ME1: variants seen among roughly 807,000 people sequenced by gnomAD.
The protein encoded by ME1 is NADP-dependent malic enzyme.
ME1 carries 74 observed loss-of-function variants against 66.4 expected under a neutral mutation model. The ratio of observed to expected loss-of-function variants is 1.11; its 90% CI spans 0.92 to 1.35. ME1 has a LOEUF of 1.35. ME1 is among the 40% of genes most tolerant of loss of function. The pLI is 0.00. For synonymous variants in ME1, 251 were observed against 235.6 expected, an observed-to-expected ratio of 1.07 and a Z score of -0.60; for missense variants, 750 against 694.1, an observed-to-expected ratio of 1.08 and a Z score of -0.90.
At position 83,302,800 on chromosome 6, in the gene ME1, G is replaced by A. The variant is rs998325545; in HGVS notation, c.704+12510C>T. Among the ~76,000 whole-genome samples, 5 of 152,154 alleles carry A rather than the reference G, an allele frequency of 3.3e-5. 1 individual carries two copies. Among genetic ancestry groups the A allele is most frequent in the African/African-American group, 4.8e-5 (2 of 41,432 alleles). Reference sequence around the variant, plus strand: ...TAAAACTATTTATTTATACAATGGTGTAAAGGATACACGGAGGGGTGGAGG... The same window carrying A: ...TAAAACTATTTATTTATACAATGGTATAAAGGATACACGGAGGGGTGGAGG... On this transcript the variant is annotated intron_variant, in intron 6 of 13. Transcript: ENST00000369705.
intron 1 of ME1, among the ~76,000 whole-genome samples, chr6:83,417,712 G>GC (rs1336074006): frequency 2.0e-5 from 3 of 151,994 alleles, no homozygotes; most frequent in African/African-American, 7.2e-5. Flanking sequence ...AGGCACACAG[G>GC]CCAGTCATGC....
chr6:83,231,335 T>C (rs973425153), intron 9 of ME1, among the ~76,000 whole-genome samples: 10 of 152,036 alleles, frequency 6.6e-5, no homozygotes, highest in African/African-American at 2.4e-4. Flanking sequence ...AAATTACCCA[T>C]GGCAACACTT....
intron 13 of ME1, among the ~76,000 whole-genome samples, chr6:83,213,098 TCTC>T (rs1303119757): frequency 6.6e-6 from 1 of 150,376 alleles, no homozygotes; most frequent in Non-Finnish European, 1.5e-5. Flanking sequence ...AGTGGCACGA[TCTC>T]AGCTCACTGC....
intron 6 of ME1, among the ~76,000 whole-genome samples, chr6:83,292,349 G>A (rs1471724566): frequency 6.6e-6 from 1 of 152,188 alleles, no homozygotes; most frequent in Non-Finnish European, 1.5e-5. Flanking sequence ...CTTTCTGTTT[G>A]TTAGTTTTCC....
chr6:83,278,611 A>C (rs1583353578), intron 6 of ME1, among the ~76,000 whole-genome samples: 1 of 150,458 alleles, frequency 6.6e-6, no homozygotes, highest in South Asian at 2.1e-4. Flanking sequence ...CTGGTGCCTG[A>C]CTAGAGTCTT....
intron 3 of ME1, among the ~76,000 whole-genome samples, chr6:83,379,682 C>T (rs1178447923): frequency 6.6e-6 from 1 of 151,984 alleles, no homozygotes; most frequent in South Asian, 2.1e-4. Context: ...GACATCCATC[C>T]TTTTCCATTA....
intron 4 of ME1, among the ~76,000 whole-genome samples, chr6:83,347,117 C>A (rs185163204): frequency 6.6e-6 from 1 of 152,046 alleles, no homozygotes; most frequent in African/African-American, 2.4e-5. Flanking sequence ...CCACGCCCGG[C>A]TAATTTTTGT....
At chr6:83,275,760 C>T (rs565935888) in intron 6 of ME1, among the ~76,000 whole-genome samples, 102 of 118,848 alleles carry the variant, frequency 8.6e-4, no homozygotes, top group South Asian at 1.4e-3. Flanking sequence ...CCACGGCGCC[C>T]GGCCTTTTTT....
chr6:83,352,174 C>CAT lies in ME1; in HGVS notation c.363-37_363-36dup, dbSNP rs753381352. ...AAAAAAAAAAAAAAGGAGTAGTTTA[C>CAT]ATTTACTTCAGGCCTGTCAAACTAC... On this transcript the variant is annotated intron_variant, in intron 3 of 13. Coordinates refer to ENST00000369705, the MANE Select transcript of ME1 (RefSeq NM_002395.6). 6.6e-5 allele frequency: 87 copies of CAT among 1,315,886 alleles called. 1 individual carries two copies. In the East Asian group the frequency reaches 1.9e-3, roughly 28 times the overall value. The allele number at this position is 1,315,886 out of a possible 1,614,324, so 81.5% of individuals were successfully genotyped here. A position where few individuals can be genotyped will look rare whatever the true frequency, so the allele number is the denominator to read the frequency against.
At chr6:83,239,657 C>A in intron 7 of ME1, 21 bp from the exon 8 acceptor site, 1 of 1,542,200 alleles carries the variant, frequency 6.5e-7, no homozygotes, top group South Asian at 1.1e-5. Flanking sequence ...TAATAAATAT[C>A]CTTGAGTAAT....
At chr6:83,344,638 C>G (rs1768652841) in intron 5 of ME1, among the ~76,000 whole-genome samples, 1 of 152,064 alleles carries the variant, frequency 6.6e-6, no homozygotes, top group African/African-American at 2.4e-5. Context: ...AATCCCAGCA[C>G]TTTGGGAGGG....
At chr6:83,412,611 T>G (rs60644519) in intron 1 of ME1, among the ~76,000 whole-genome samples, 1 of 152,182 alleles carries the variant, frequency 6.6e-6, no homozygotes, top group African/African-American at 2.4e-5. Context: ...GTCCTTCAAC[T>G]AGTAAATGGA....
intron 3 of ME1, among the ~76,000 whole-genome samples, chr6:83,369,414 G>T (rs562247438): frequency 3.9e-5 from 6 of 152,032 alleles, no homozygotes; most frequent in Non-Finnish European, 8.8e-5. Flanking sequence ...CCAAGTCAAT[G>T]ACCTTATTTT....
In ME1 at chr6:83,346,266, G is replaced by T. The variant is rs1768684811; in HGVS notation, c.507C>A (p.Ile169=). ...TATATAGAGCCAATTTACCCACAGG[G>T]ATGCCCATTCCATTACAGCCAAGGT... ...LGDLGCNGMG[I]PVGKLALYTA... is the part of the protein sequence containing the mutation. Residue 169 remains isoleucine (I), a synonymous_variant, in exon 5 of 14, where the codon ATC becomes ATA. Transcript: ENST00000369705. 5 of 1,613,096 alleles carry T rather than the reference G, an allele frequency of 3.1e-6. No homozygotes were observed. The highest frequency in any genetic ancestry group is 4.2e-6 in the Non-Finnish European group (5 of 1,179,454).
chr6:83,247,318 A>T (rs1328934013), intron 7 of ME1, among the ~76,000 whole-genome samples: 2 of 152,022 alleles, frequency 1.3e-5, no homozygotes, highest in African/African-American at 4.8e-5. Flanking sequence ...AGATTATATA[A>T]TTATGTGGCC....
chr6:83,345,199 C>T (rs938024410), intron 5 of ME1, among the ~76,000 whole-genome samples: 18 of 152,120 alleles, frequency 1.2e-4, no homozygotes, highest in African/African-American at 3.4e-4. Flanking sequence ...TGTATACACA[C>T]AATTTTAGGA....
chr6:83,370,465 C>A (rs924936655), intron 3 of ME1, among the ~76,000 whole-genome samples: 2 of 151,972 alleles, frequency 1.3e-5, no homozygotes, highest in South Asian at 4.1e-4. Flanking sequence ...GAAAACGAGA[C>A]AATTTGAAAT....
At chr6:83,407,056 C>T (rs1769959281) in intron 2 of ME1, among the ~76,000 whole-genome samples, 1 of 151,908 alleles carries the variant, frequency 6.6e-6, no homozygotes, top group Non-Finnish European at 1.5e-5. Flanking sequence ...CTGATTAACA[C>T]CAACACTTAT....
At chr6:83,339,986 AG>A (rs1161912626) in intron 5 of ME1, among the ~76,000 whole-genome samples, 5,088 of 149,428 alleles carry the variant, frequency 0.034, 134 homozygotes, top group Middle Eastern at 0.06. Flanking sequence ...AAAAAAGAAA[AG>A]AAAAGAAATG....
Sources: allele counts gnomAD v4.1 joint callset (sites outside exome capture counted in the v4.1 genomes callset), GRCh38; gene constraint gnomAD v4.1.1; transcripts MANE v1.5; gene names NCBI Gene and HGNC (gene_info 2026-07-23, HGNC 2026-07-21).